Variants in USP39 observed in about 807,000 individuals in gnomAD.
USP39 encodes ubiquitin specific peptidase 39.
A neutral mutation model predicts 66.4 loss-of-function variants in USP39; 38 were observed. The observed-to-expected ratio is 0.57, with a 90% CI of 0.44 to 0.75. USP39 has a LOEUF of 0.75. Ranked by LOEUF, USP39 falls within the 30% of genes least tolerant of loss-of-function variation. The probability of loss-of-function intolerance (pLI) is 0.00; values close to 1 mark genes in which losing one functional copy is unlikely to be tolerated. For missense variants in USP39, 608 were observed against 714.4 expected (o/e 0.85, Z 1.70); for synonymous variants, 303 against 274.6 (o/e 1.10, Z -1.02).
In USP39 at chr2:85,628,248, C is replaced by T. The variant is rs775013497; in HGVS notation, c.724-2473C>T. ...GCAACCTCTGCCTCCCAGGTTCAAG[C>T]GATTCTCCTGCCTCAGCCTCCCGAG... On this transcript the variant is annotated intron_variant, in intron 5 of 12. Coordinates refer to ENST00000323701, the MANE Select transcript of USP39 (RefSeq NM_006590.4). Among the ~76,000 whole-genome samples the T allele has an allele frequency of 7.9e-5, 12 of 152,010 alleles. 1 individual carries two copies. Among genetic ancestry groups the T allele is most frequent in the African/African-American group, 2.9e-4 (12 of 41,384 alleles).
At chr2:85,611,966 G>T (rs1319014983), upstream of USP39, 4 of 1,539,722 alleles carry the variant, frequency 2.6e-6, no homozygotes, top group Admixed American at 4.2e-5. Context: ...CCCGGCCGGG[G>T]ATGCGGCCCC....
rs771702205 is a variant in USP39, at chr2:85,621,479, C to T, written c.339-6C>T. 2 of 1,613,648 alleles carry T rather than the reference C, an allele frequency of 1.2e-6. No individual in the cohort carries two copies. Among genetic ancestry groups the T allele is most frequent in the African/African-American group, 2.7e-5 (2 of 75,040 alleles). Reference sequence around the variant, plus strand: ...CTATTTATTTTTTTCTGTTTTGTTTCCTTAGGAGTGTGCTGGACTTTGACT... The same window carrying T: ...CTATTTATTTTTTTCTGTTTTGTTTTCTTAGGAGTGTGCTGGACTTTGACT... On this transcript the variant is annotated splice_region_variant and splice_polypyrimidine_tract_variant and intron_variant, in intron 2 of 12. Coordinates refer to ENST00000323701, the MANE Select transcript of USP39 (RefSeq NM_006590.4).
intron 5 of USP39, 85 bp from the exon 6 acceptor site, chr2:85,630,636 C>G: frequency 1.5e-6 from 2 of 1,341,374 alleles, no homozygotes; most frequent in Non-Finnish European, 1.0e-6. Context: ...ATCACAAATT[C>G]TATTAGGAGA....
chr2:85,618,454 C>T (rs559188246), intron 1 of USP39, among the ~76,000 whole-genome samples: 9 of 149,980 alleles, frequency 6.0e-5, no homozygotes, highest in African/African-American at 2.2e-4. Flanking sequence ...CCCAGCTACT[C>T]GGGAGGCTGA....
At chr2:85,629,675 T>A (rs532145265) in intron 5 of USP39, among the ~76,000 whole-genome samples, 5 of 151,478 alleles carry the variant, frequency 3.3e-5, no homozygotes, top group Admixed American at 3.3e-4. Flanking sequence ...TTTTGTATTT[T>A]TAGTAGAGAC....
intron 2 of USP39, among the ~76,000 whole-genome samples, chr2:85,620,109 T>A (rs1168619236): frequency 6.6e-6 from 1 of 151,122 alleles, no homozygotes; most frequent in African/African-American, 2.4e-5. Flanking sequence ...CCACCTGCCT[T>A]GGCCTCCCAA....
upstream of USP39, chr2:85,609,687 T>C: frequency 6.8e-7 from 1 of 1,460,440 alleles, no homozygotes; most frequent in Non-Finnish European, 9.2e-7. Flanking sequence ...AAAGCCCCAG[T>C]CTTCTTTTTT....
upstream of USP39, chr2:85,612,500 C>T (rs1312146953): frequency 4.3e-6 from 4 of 939,420 alleles, no homozygotes; most frequent in South Asian, 1.6e-5. Context: ...TTGAAGTGCT[C>T]AGGCAGGGCA....
intron 5 of USP39, among the ~76,000 whole-genome samples, chr2:85,626,338 AAG>A (rs1416860361): frequency 4.6e-5 from 7 of 152,176 alleles, no homozygotes; most frequent in Non-Finnish European, 1.0e-4. Context: ...CAGCCTGGGC[AAG>A]AAGAGCGAAA....
chr2:85,633,891 G>A (rs983275531), intron 6 of USP39, among the ~76,000 whole-genome samples: 2 of 130,452 alleles, frequency 1.5e-5, no homozygotes, highest in Non-Finnish European at 3.1e-5. Context: ...AGGCTGGAGT[G>A]CAGTGGCGGG....
chr2:85,644,835 A>G, intron 10 of USP39, 113 bp from the exon 11 acceptor site: 2 of 1,431,598 alleles, frequency 1.4e-6, no homozygotes, highest in Non-Finnish European at 1.9e-6. Flanking sequence ...GCCTACCCAG[A>G]GAAAGGGTCC....
upstream of USP39, chr2:85,612,495 G>A: frequency 2.0e-6 from 2 of 990,638 alleles, no homozygotes; most frequent in Non-Finnish European, 2.9e-6. Context: ...AGGCCTTGAA[G>A]TGCTCAGGCA....
At chr2:85,647,260 C>A (rs184029450) in intron 11 of USP39, among the ~76,000 whole-genome samples, 4 of 152,120 alleles carry the variant, frequency 2.6e-5, no homozygotes, top group Admixed American at 6.6e-5. Flanking sequence ...TCTAGTCTGT[C>A]ATTTCTGAGC....
chr2:85,637,723 T>C (rs999487430), intron 8 of USP39, among the ~76,000 whole-genome samples: 7 of 152,160 alleles, frequency 4.6e-5, no homozygotes, highest in African/African-American at 1.7e-4. Flanking sequence ...TTTTTCTTAG[T>C]CTCCCTCTGT....
chr2:85,616,369 C>T lies in USP39; in HGVS notation c.174C>T (p.Ser58=), dbSNP rs757054450. 1.9e-6 allele frequency: 3 copies of T among 1,600,878 alleles called. No individual in the cohort carries two copies. In the South Asian group the frequency reaches 3.4e-5, roughly 18 times the overall value. ...TGAAGCGGGAGTTCGAGCCGGCGAG[C>T]GCGCGCGAGGCCCCGGCTTCTGTTG... ...VRVKREFEPA[S]AREAPASVVP... The change falls in exon 1 of 13, where the codon AGC becomes AGT. Residue 58 remains serine, a synonymous_variant. Transcript: ENST00000323701.
intron 6 of USP39, among the ~76,000 whole-genome samples, chr2:85,632,814 A>G (rs931412590): frequency 5.3e-5 from 8 of 152,066 alleles, no homozygotes; most frequent in African/African-American, 1.9e-4. Flanking sequence ...GGGAGCATGG[A>G]GTAAGGACCC....
chr2:85,642,142 CTTA>C (rs1341829054), intron 10 of USP39, among the ~76,000 whole-genome samples: 3 of 152,016 alleles, frequency 2.0e-5, no homozygotes, highest in African/African-American at 7.3e-5. Flanking sequence ...GGTGTAACAT[CTTA>C]TTATAGTATT....
chr2:85,641,224 G>T, intron 10 of USP39, 106 bp downstream of exon 10: 1 of 1,393,868 alleles, frequency 7.2e-7, no homozygotes. Flanking sequence ...GGGATTACAA[G>T]GAACAGAGCC....
chr2:85,621,608 A>T (rs1002319457), intron 3 of USP39, 29 bp downstream of exon 3: 10 of 1,566,234 alleles, frequency 6.4e-6, no homozygotes, highest in Non-Finnish European at 8.7e-6. Flanking sequence ...CTAACTGCAG[A>T]TCTGCTCCAG....
Sources: gnomAD v4.1 joint callset for allele counts (sites outside exome capture counted in the v4.1 genomes callset) on GRCh38, gnomAD v4.1.1 for gene constraint, MANE v1.5 for transcripts, NCBI Gene and HGNC (gene_info 2026-07-23, HGNC 2026-07-21) for gene names.